BFSP1: variants seen among roughly 807,000 people sequenced by gnomAD.
BFSP1 encodes the protein beaded filament structural protein 1, also known as filensin.
In BFSP1, 38 loss-of-function variants were observed where a neutral mutation model predicts 43.9. That is an observed-to-expected ratio of 0.87 (90% CI 0.67 to 1.14). The LOEUF is 1.14. BFSP1 is among the 50% of genes most tolerant of loss of function. BFSP1 has a pLI of 0.00. For synonymous variants in BFSP1, 352 were observed against 354.8 expected (o/e 0.99, Z 0.09); for missense variants, 850 against 875.1 (o/e 0.97, Z 0.36).
intron 1 of BFSP1, among the ~76,000 whole-genome samples, chr20:17,539,692 G>A (rs2034685816): frequency 6.6e-6 from 1 of 152,004 alleles, no homozygotes; most frequent in Non-Finnish European, 1.5e-5. Flanking sequence ...ACTGAGCCTG[G>A]CAGGTCAAGG....
At chr20:17,549,633 C>T (rs1347516789) in intron 1 of BFSP1, among the ~76,000 whole-genome samples, 2 of 152,036 alleles carry the variant, frequency 1.3e-5, no homozygotes, top group East Asian at 1.9e-4. Context: ...GTCGGGAGTT[C>T]GAGACCAGCC....
At chr20:17,557,395 C>T (rs2035010032) in intron 1 of BFSP1, among the ~76,000 whole-genome samples, 1 of 152,202 alleles carries the variant, frequency 6.6e-6, no homozygotes, top group Non-Finnish European at 1.5e-5. Flanking sequence ...GGGGGCACCT[C>T]ATCTCTCCCC....
intron 2 of BFSP1, among the ~76,000 whole-genome samples, chr20:17,515,400 A>G (rs1308003077): frequency 1.3e-5 from 2 of 152,246 alleles, no homozygotes; most frequent in Non-Finnish European, 2.9e-5. Flanking sequence ...TCTGTATTCT[A>G]GCAGTTTTCT....
intron 1 of BFSP1, among the ~76,000 whole-genome samples, chr20:17,556,698 A>G (rs1002289679): frequency 2.6e-5 from 4 of 151,440 alleles, no homozygotes; most frequent in Non-Finnish European, 5.9e-5. Flanking sequence ...TGAAGGTGAC[A>G]TTTTTCTACC....
At chr20:17,539,250 A>G (rs2084532559) in intron 1 of BFSP1, among the ~76,000 whole-genome samples, 1 of 150,984 alleles carries the variant, frequency 6.6e-6, no homozygotes, top group South Asian at 2.1e-4. Flanking sequence ...AGCTGGGACT[A>G]CAGGTGCACA....
At chr20:17,520,308 AGGAGCT>A (rs937655279) in intron 2 of BFSP1, among the ~76,000 whole-genome samples, 2 of 151,730 alleles carry the variant, frequency 1.3e-5, no homozygotes, top group African/African-American at 4.8e-5. Context: ...GTTTTTAGAA[AGGAGCT>A]GGAGAAATAA....
intron 2 of BFSP1, among the ~76,000 whole-genome samples, chr20:17,523,975 A>T (rs115516355): frequency 0.01 from 1,584 of 152,214 alleles, 30 homozygotes; most frequent in African/African-American, 0.036. Context: ...ATACCTGGGC[A>T]TGGCAGGGAA....
intron 5 of BFSP1, among the ~76,000 whole-genome samples, chr20:17,502,958 G>A (rs2033838480): frequency 6.6e-6 from 1 of 152,168 alleles, no homozygotes; most frequent in Admixed American, 6.5e-5. Flanking sequence ...GTGTGGGGCT[G>A]TAGAGAACAT....
At chr20:17,558,654 G>C in intron 1 of BFSP1, 1 of 1,548,372 alleles carries the variant, frequency 6.5e-7, no homozygotes, top group Admixed American at 2.0e-5. Flanking sequence ...GCTAAACCTA[G>C]AATCCAACAC....
intron 1 of BFSP1, among the ~76,000 whole-genome samples, chr20:17,567,718 G>A (rs148804825): frequency 0.012 from 1,781 of 152,126 alleles, 32 homozygotes; most frequent in African/African-American, 0.041. Flanking sequence ...AAAATTAGCC[G>A]GGTGTGGTGG....
At chr20:17,542,444 A>T (rs2034734104) in intron 1 of BFSP1, among the ~76,000 whole-genome samples, 1 of 151,882 alleles carries the variant, frequency 6.6e-6, no homozygotes, top group African/African-American at 2.4e-5. Context: ...AAAAAAAAAA[A>T]AAAAATTCAC....
Position 17,566,161 on chromosome 20 carries a change from A to T in BFSP1, n.50+3010T>A, listed in dbSNP as rs1472966063. 6.7e-5 allele frequency among the ~76,000 whole-genome samples: 10 copies of T among 150,272 alleles called. No individual in the cohort carries two copies. The East Asian group carries it at 1.8e-3, about 27-fold the overall frequency. On this transcript the variant is annotated intron_variant and non_coding_transcript_variant, in intron 1 of 6. Transcript: ENST00000473415. ...AAAAAGACTACTGACATAAATAGGG[A>T]TAGGAGATAGGAAATAGGTGAATTT...
intron 3 of BFSP1, among the ~76,000 whole-genome samples, chr20:17,514,078 G>A (rs959292090): frequency 3.9e-5 from 6 of 152,228 alleles, no homozygotes; most frequent in African/African-American, 1.2e-4. Context: ...GTGGGAGGAG[G>A]CCAGAGCCCC....
At chr20:17,553,021 GAGA>G (rs1375867873) in intron 1 of BFSP1, among the ~76,000 whole-genome samples, 6 of 152,190 alleles carry the variant, frequency 3.9e-5, no homozygotes, top group Admixed American at 1.3e-4. Flanking sequence ...AGAGAGTAAA[GAGA>G]AGAAGTCTAA....
At chr20:17,508,168 A>G (rs2033985411) in intron 5 of BFSP1, among the ~76,000 whole-genome samples, 1 of 152,202 alleles carries the variant, frequency 6.6e-6, no homozygotes, top group South Asian at 2.1e-4. Context: ...GAGCCATACA[A>G]AGGTGCAGTA....
intron 1 of BFSP1, among the ~76,000 whole-genome samples, chr20:17,544,016 C>T (rs768824867): frequency 1.3e-5 from 2 of 152,168 alleles, no homozygotes; most frequent in Non-Finnish European, 2.9e-5. Flanking sequence ...TTATTTTAAG[C>T]ATCCGTCTTA....
chr20:17,497,558 A>G (rs1263539507), intron 6 of BFSP1, among the ~76,000 whole-genome samples: 2 of 37,778 alleles, frequency 5.3e-5, no homozygotes, highest in East Asian at 9.5e-4. Context: ...ATATATGTAT[A>G]TGTGTGTGTA....
At chr20:17,568,527 T>G (rs568458239) in intron 1 of BFSP1, among the ~76,000 whole-genome samples, 1 of 152,064 alleles carries the variant, frequency 6.6e-6, no homozygotes, top group African/African-American at 2.4e-5. Context: ...TAGGAGTTGT[T>G]AGAAATGCCC....
At chr20:17,506,357 T>C (rs1023900328) in intron 5 of BFSP1, among the ~76,000 whole-genome samples, 13 of 152,186 alleles carry the variant, frequency 8.5e-5, no homozygotes, top group Admixed American at 6.5e-4. Context: ...ACAACTGCGA[T>C]GACACGGGTG....
Sources: gnomAD v4.1 joint callset for allele counts (sites outside exome capture counted in the v4.1 genomes callset) on GRCh38, gnomAD v4.1.1 for gene constraint, MANE v1.5 for transcripts, NCBI Gene and HGNC (gene_info 2026-07-23, HGNC 2026-07-21) for gene names.